The following ZFPM2 variants were observed in gnomAD, a reference collection of about 807,000 sequenced individuals.
The protein encoded by ZFPM2 is zinc finger protein ZFPM2.
Under a neutral mutation model 98.6 loss-of-function variants are expected in ZFPM2, and 20 were observed. The observed-to-expected ratio is 0.20, with a 90% CI of 0.14 to 0.29. The LOEUF is 0.29. Among genes scored for constraint, ZFPM2 ranks in the 10% least tolerant of loss-of-function variants. The pLI, the probability that ZFPM2 is intolerant of heterozygous loss-of-function variation, is 1.00. For synonymous variants in ZFPM2, 518 were observed against 502.7 expected (o/e 1.03, Z -0.41); for missense variants, 1,310 against 1,388.6 (o/e 0.94, Z 0.90).
At chr8:105,763,053 T>C (rs1344437689) in intron 5 of ZFPM2, among the ~76,000 whole-genome samples, 3 of 144,408 alleles carry the variant, frequency 2.1e-5, no homozygotes, top group Admixed American at 2.1e-4. Flanking sequence ...GATGACTTTA[T>C]TTCTTTCTTT....
chr8:105,495,014 T>G (rs761105231), intron 3 of ZFPM2, among the ~76,000 whole-genome samples: 1 of 152,298 alleles, frequency 6.6e-6, no homozygotes, highest in East Asian at 1.9e-4. Context: ...TTTTAAAAAC[T>G]ATTTAAACAT....
intron 5 of ZFPM2, among the ~76,000 whole-genome samples, chr8:105,756,347 A>G (rs1419562947): frequency 6.6e-6 from 1 of 152,218 alleles, no homozygotes; most frequent in Non-Finnish European, 1.5e-5. Context: ...AGGTGGCTCT[A>G]AATTGCTTGT....
chr8:105,736,609 A>G (rs987890950), intron 5 of ZFPM2, among the ~76,000 whole-genome samples: 3 of 152,050 alleles, frequency 2.0e-5, no homozygotes, highest in African/African-American at 7.2e-5. Flanking sequence ...TATTATCACT[A>G]CTGCACAGAG....
At chr8:105,575,194 G>A (rs1454522857) in intron 4 of ZFPM2, among the ~76,000 whole-genome samples, 6 of 152,062 alleles carry the variant, frequency 3.9e-5, no homozygotes, top group East Asian at 3.9e-4. Context: ...AACAGTGGTC[G>A]GCTCCATTAC....
intron 3 of ZFPM2, among the ~76,000 whole-genome samples, chr8:105,500,797 T>C (rs1586419157): frequency 2.6e-5 from 4 of 152,174 alleles, no homozygotes; most frequent in African/African-American, 9.6e-5. Flanking sequence ...TGTACTTTAG[T>C]TAAAATAGTC....
intron 6 of ZFPM2, among the ~76,000 whole-genome samples, chr8:105,789,537 A>G (rs1813533680): frequency 6.6e-6 from 1 of 152,130 alleles, no homozygotes; most frequent in Non-Finnish European, 1.5e-5. Flanking sequence ...TAGTGCTGCA[A>G]TAAACATACG....
chr8:105,759,193 T>C (rs1242003732), intron 5 of ZFPM2, among the ~76,000 whole-genome samples: 1 of 152,112 alleles, frequency 6.6e-6, no homozygotes, highest in African/African-American at 2.4e-5. Context: ...ATTCGCCAAG[T>C]TCAGGCTTTG....
At chr8:105,554,151 C>T (rs1040921784) in intron 3 of ZFPM2, among the ~76,000 whole-genome samples, 18 of 152,118 alleles carry the variant, frequency 1.2e-4, no homozygotes, top group African/African-American at 4.3e-4. Flanking sequence ...TAGTCACCAA[C>T]CAAGAACTAT....
At chr8:105,349,021 C>T (rs1412205820) in intron 1 of ZFPM2, among the ~76,000 whole-genome samples, 1 of 152,032 alleles carries the variant, frequency 6.6e-6, no homozygotes, top group Non-Finnish European at 1.5e-5. Flanking sequence ...TCTTCAGTTC[C>T]AAAGAACTGT....
At chr8:105,584,660 CA>C (rs1472628995) in intron 4 of ZFPM2, among the ~76,000 whole-genome samples, 1 of 152,088 alleles carries the variant, frequency 6.6e-6, no homozygotes, top group East Asian at 1.9e-4. Flanking sequence ...AGGAATTTTA[CA>C]AAAATTCCAA....
chr8:105,653,069 A>G (rs1037091545), intron 5 of ZFPM2, among the ~76,000 whole-genome samples: 1 of 152,220 alleles, frequency 6.6e-6, no homozygotes, highest in African/African-American at 2.4e-5. Flanking sequence ...TAGGACAAAC[A>G]ATAGCTTAGT....
At chr8:105,486,370 G>A (rs1248894367) in intron 3 of ZFPM2, among the ~76,000 whole-genome samples, 1 of 152,044 alleles carries the variant, frequency 6.6e-6, no homozygotes, top group Admixed American at 6.6e-5. Context: ...GTCTGTTTGT[G>A]TGTGTATGCT....
chr8:105,652,205 A>G (rs1817194016), intron 5 of ZFPM2, among the ~76,000 whole-genome samples: 1 of 150,756 alleles, frequency 6.6e-6, no homozygotes, highest in South Asian at 2.1e-4. Context: ...CACTAGGGGA[A>G]GGTCAGTCAG....
chr8:105,408,369 G>A (rs1022584343), intron 1 of ZFPM2, among the ~76,000 whole-genome samples: 2 of 151,888 alleles, frequency 1.3e-5, no homozygotes, highest in Non-Finnish European at 2.9e-5. Context: ...TAGCTTTATG[G>A]TGGTTTAATG....
At chr8:105,642,019 G>A (rs1816957335) in intron 5 of ZFPM2, among the ~76,000 whole-genome samples, 1 of 152,082 alleles carries the variant, frequency 6.6e-6, no homozygotes, top group South Asian at 2.1e-4. Context: ...GAAATGAAGA[G>A]TGGGGTCTTT....
chr8:105,496,480 G>A (rs970049266), intron 3 of ZFPM2, among the ~76,000 whole-genome samples: 2 of 152,028 alleles, frequency 1.3e-5, no homozygotes, highest in African/African-American at 4.8e-5. Flanking sequence ...TTGAAGTTAT[G>A]TGTTTGGGGC....
Position 105,346,799 on chromosome 8 carries a change from T to G in ZFPM2, c.40+27818T>G, listed in dbSNP as rs570361538. Among the ~76,000 whole-genome samples, 312 of 152,320 alleles carry G rather than the reference T, an allele frequency of 2.0e-3. 2 individuals carry two copies. Among genetic ancestry groups the G allele is most frequent in the African/African-American group, 7.2e-3 (298 of 41,574 alleles). On this transcript the variant is annotated intron_variant, in intron 1 of 7. Transcript: ENST00000407775. ...GGGGTTTTTTTTCATAGCTCCATTT[T>G]GTCAGTGAAAGGGCTTCTGCTGCAA...
At chr8:105,768,085 CCTCT>C (rs139124537) in intron 5 of ZFPM2, among the ~76,000 whole-genome samples, 48 of 146,946 alleles carry the variant, frequency 3.3e-4, no homozygotes, top group Non-Finnish European at 5.1e-4. Flanking sequence ...AACACATATT[CCTCT>C]CTCTCTCTCT....
At chr8:105,544,950 C>T (rs1474430859) in intron 3 of ZFPM2, among the ~76,000 whole-genome samples, 2 of 152,038 alleles carry the variant, frequency 1.3e-5, no homozygotes, top group African/African-American at 4.8e-5. Context: ...TTTGCTTTTA[C>T]TTTGTTGGCT....
Sources: gnomAD v4.1 joint callset for allele counts (sites outside exome capture counted in the v4.1 genomes callset) on GRCh38, gnomAD v4.1.1 for gene constraint, MANE v1.5 for transcripts, NCBI Gene and HGNC (gene_info 2026-07-23, HGNC 2026-07-21) for gene names.